UGT1A8: variants seen among roughly 807,000 people sequenced by gnomAD.
UGT1A8 encodes UDP glucuronosyltransferase family 1 member A8.
UGT1A8 carries 39 observed loss-of-function variants against 45.3 expected under a neutral mutation model. That is an observed-to-expected ratio of 0.86 (90% CI 0.67 to 1.12). The LOEUF is 1.12. UGT1A8 is among the 50% of genes most tolerant of loss of function. The pLI, the probability that UGT1A8 is intolerant of heterozygous loss-of-function variation, is 0.00. For synonymous variants in UGT1A8, 275 were observed against 249.2 expected, an observed-to-expected ratio of 1.10 and a Z score of -0.97; for missense variants, 719 against 664.9, an observed-to-expected ratio of 1.08 and a Z score of -0.90.
intron 1 of UGT1A8, among the ~76,000 whole-genome samples, chr2:233,694,648 CTTT>C (rs745676395): frequency 2.6e-5 from 4 of 152,166 alleles, no homozygotes; most frequent in Admixed American, 6.5e-5. Context: ...TTTCCAGTTC[CTTT>C]TTTATCAGAG....
intron 1 of UGT1A8, among the ~76,000 whole-genome samples, chr2:233,694,117 G>A (rs972121995): frequency 2.6e-5 from 4 of 152,152 alleles, no homozygotes; most frequent in African/African-American, 9.7e-5. Flanking sequence ...ATCTGGGACA[G>A]TCACATACTC....
At chr2:233,637,066 C>G (rs1411797560) in intron 1 of UGT1A8, 1 of 1,613,928 alleles carries the variant, frequency 6.2e-7, no homozygotes, top group South Asian at 1.1e-5. Context: ...AGAAGGTGCA[C>G]AGTGCCCTGC....
intron 1 of UGT1A8, among the ~76,000 whole-genome samples, chr2:233,740,338 G>A (rs1156245808): frequency 6.6e-6 from 1 of 151,948 alleles, no homozygotes; most frequent in Non-Finnish European, 1.5e-5. Context: ...TGAGAAAGTT[G>A]ATGAGAAAGT....
At chr2:233,665,118 C>G (rs2074045964) in intron 1 of UGT1A8, among the ~76,000 whole-genome samples, 1 of 152,074 alleles carries the variant, frequency 6.6e-6, no homozygotes, top group Non-Finnish European at 1.5e-5. Context: ...AATGTAGTAC[C>G]AGGCTGGACA....
chr2:233,724,253 C>T (rs2077196300), intron 1 of UGT1A8, among the ~76,000 whole-genome samples: 1 of 128,614 alleles, frequency 7.8e-6, no homozygotes, highest in Non-Finnish European at 1.7e-5. Flanking sequence ...AGGCGCCCCT[C>T]ACCTCCCGGA....
At chr2:233,746,424 C>T (rs1693388244) in intron 1 of UGT1A8, among the ~76,000 whole-genome samples, 1 of 151,702 alleles carries the variant, frequency 6.6e-6, no homozygotes, top group South Asian at 2.1e-4. Context: ...GACCTATTAA[C>T]TTATGTCTTC....
chr2:233,719,182 CT>C, intron 1 of UGT1A8: 1 of 1,614,216 alleles, frequency 6.2e-7, no homozygotes, highest in Non-Finnish European at 8.5e-7. Context: ...AACAATGTAT[CT>C]TTGGCCCTTC....
intron 1 of UGT1A8, chr2:233,648,696 C>G (rs1446834670): frequency 2.6e-6 from 1 of 388,492 alleles, no homozygotes; most frequent in Non-Finnish European, 4.9e-6. Context: ...GATCTCCTAA[C>G]CTCGTGATCC....
At chr2:233,743,515 C>G in intron 1 of UGT1A8, 2 of 1,367,292 alleles carry the variant, frequency 1.5e-6, no homozygotes, top group African/African-American at 1.5e-5. Flanking sequence ...AGACGCTCTG[C>G]TTCTGCTTCC....
chr2:233,752,487 A>G (rs551015085), intron 1 of UGT1A8: 1 of 152,342 alleles, frequency 6.6e-6, no homozygotes, highest in South Asian at 2.1e-4. Context: ...TATGTTTTTG[A>G]GATGAGACAT....
chr2:233,621,375 T>C (rs2073003171), intron 1 of UGT1A8, among the ~76,000 whole-genome samples: 1 of 152,136 alleles, frequency 6.6e-6, no homozygotes, highest in African/African-American at 2.4e-5. Context: ...GTGAAAAGAA[T>C]TCGGGCTTCG....
intron 1 of UGT1A8, among the ~76,000 whole-genome samples, chr2:233,637,649 A>G (rs1384296279): frequency 1.3e-5 from 2 of 152,200 alleles, no homozygotes; most frequent in Non-Finnish European, 2.9e-5. Flanking sequence ...CAAAAACCAC[A>G]GCAAGAAATG....
intron 1 of UGT1A8, among the ~76,000 whole-genome samples, chr2:233,757,535 A>AATGTATATATATATATATATATAT (rs1696552153): frequency 1.1e-5 from 1 of 88,312 alleles, no homozygotes; most frequent in Non-Finnish European, 2.2e-5. Context: ...GCCTGTAAGG[A>AATGTATATATATATATATATATAT]ATATATATAT....
intron 1 of UGT1A8, among the ~76,000 whole-genome samples, chr2:233,642,870 G>T (rs2073488866): frequency 6.6e-6 from 1 of 151,140 alleles, no homozygotes; most frequent in African/African-American, 2.4e-5. Flanking sequence ...AAAATACAGA[G>T]TCTCTCTCTC....
chr2:233,644,169 T>C (rs1001145622), intron 1 of UGT1A8, among the ~76,000 whole-genome samples: 8 of 152,178 alleles, frequency 5.3e-5, no homozygotes, highest in Non-Finnish European at 8.8e-5. Context: ...GCCTTTCAAG[T>C]TTACTTGAGG....
chr2:233,735,469 G>T (rs1476007711), intron 1 of UGT1A8, among the ~76,000 whole-genome samples: 1 of 152,020 alleles, frequency 6.6e-6, no homozygotes, highest in African/African-American at 2.4e-5. Context: ...TATCCAATTT[G>T]CCAGTCTGTG....
rs1435939342 is a variant in UGT1A8, at chr2:233,666,448, C to T, written c.855+47886C>T. 3.9e-5 allele frequency among the ~76,000 whole-genome samples: 6 copies of T among 152,244 alleles called. No individual in the cohort carries two copies. In the East Asian group the frequency reaches 1.2e-3, roughly 29 times the overall value. On this transcript the variant is annotated intron_variant, in intron 1 of 4. Coordinates refer to ENST00000373450, the MANE Select transcript of UGT1A8 (RefSeq NM_019076.5). ...TTTGATTACCCTAATCATTAGTTAT[C>T]TTGAACGTCTTTACATGTGCCTGTT...
rs767800703 is a variant in UGT1A8 at position 233,760,482 on chromosome 2, G to A, written c.856-6552G>A. 9.3e-6 allele frequency: 15 copies of A among 1,614,120 alleles called. No homozygotes were observed. The highest frequency in any genetic ancestry group is 4.0e-5 in the African/African-American group (3 of 74,938). ...TAGTTGTCCTAGCACCTGACGCCTC[G>A]TTGTACATCAGAGACGGAGCATTTT... is the stretch of plus-strand genomic sequence containing the variant. On this transcript the variant is annotated intron_variant, in intron 1 of 4. Transcript: ENST00000373450.
intron 1 of UGT1A8, chr2:233,672,478 C>T: frequency 6.2e-7 from 1 of 1,613,968 alleles, no homozygotes; most frequent in African/African-American, 1.3e-5. Flanking sequence ...AGAAGGTGCA[C>T]AGTGCCCTGC....
Sources: allele counts gnomAD v4.1 joint callset (sites outside exome capture counted in the v4.1 genomes callset), GRCh38; gene constraint gnomAD v4.1.1; transcripts MANE v1.5; gene names NCBI Gene and HGNC (gene_info 2026-07-23, HGNC 2026-07-21).